Variants in ABCA8 observed in about 807,000 individuals in gnomAD.
The protein encoded by ABCA8 is ABC-type organic anion transporter ABCA8.
ABCA8 carries 177 observed loss-of-function variants against 192.3 expected under a neutral mutation model. The observed-to-expected ratio is 0.92, with a 90% CI of 0.81 to 1.04. The LOEUF (loss-of-function observed/expected upper bound fraction) is 1.04, where lower values mean the gene tolerates loss of function less well. Ranked by LOEUF, ABCA8 falls within the 50% of genes least tolerant of loss-of-function variation. ABCA8 has a pLI of 0.00. For missense variants in ABCA8, 1,915 were observed against 1,904.8 expected, an observed-to-expected ratio of 1.01 and a Z score of -0.10; for synonymous variants, 642 against 690.2, an observed-to-expected ratio of 0.93 and a Z score of 1.09.
intron 5 of ABCA8, among the ~76,000 whole-genome samples, chr17:68,935,552 A>ATATATATG (rs1012551743): frequency 7.1e-6 from 1 of 140,702 alleles, no homozygotes; most frequent in African/African-American, 2.6e-5. Context: ...ATATATATAT[A>ATATATATG]TATATATATA....
intron 31 of ABCA8, among the ~76,000 whole-genome samples, 173 bp downstream of exon 31, chr17:68,881,690 T>C (rs1305527302): frequency 6.6e-6 from 1 of 152,236 alleles, no homozygotes. Context: ...GGCTCCTCTT[T>C]GTGAGGTGAG....
rs2068245265 is a variant in ABCA8 at position 68,942,039 on chromosome 17, T to C, written c.-5A>G. The C allele has an allele frequency of 6.3e-7, 1 of 1,596,256 alleles. No homozygotes were observed. Among genetic ancestry groups the C allele is most frequent in the Non-Finnish European group, 8.6e-7 (1 of 1,169,168 alleles). ...ACTGATCTTTCTCTTCCTCATCTTG[T>C]CTTGTTTAATGAAAAAGAAAGAAGA... On this transcript the variant is annotated splice_region_variant and 5_prime_UTR_variant, in exon 3 of 40. The change abolishes the stop of an existing upstream ORF in the 5' untranslated region. Coordinates refer to ENST00000586539, the MANE Select transcript of ABCA8 (RefSeq NM_001288985.2).
chr17:68,874,231 T>A (rs545282970), intron 37 of ABCA8, among the ~76,000 whole-genome samples: 1 of 152,320 alleles, frequency 6.6e-6, no homozygotes, highest in African/African-American at 2.4e-5. Context: ...TTATACTGCA[T>A]AGTTTCTTAA....
intron 21 of ABCA8, among the ~76,000 whole-genome samples, chr17:68,898,452 G>T (rs1181653658): frequency 6.6e-6 from 1 of 152,104 alleles, no homozygotes; most frequent in Non-Finnish European, 1.5e-5. Flanking sequence ...TAGCAGACTT[G>T]CCTTATAAGA....
chr17:68,939,678 G>A (rs1338878310), intron 4 of ABCA8, among the ~76,000 whole-genome samples: 1 of 152,090 alleles, frequency 6.6e-6, no homozygotes, highest in Non-Finnish European at 1.5e-5. Context: ...ATTTACTTCT[G>A]TTGGTGATAA....
In ABCA8 at chr17:68,918,408, C is replaced by A; in HGVS notation, c.1908+19G>T. ...ATTTTTTAAACTTTGAATTCACCTG[C>A]AAATTCAATGTGACTCACCTGAGGA... On this transcript the variant is annotated intron_variant, in intron 15 of 39. Transcript: ENST00000586539. 6.4e-7 allele frequency: 1 copy of A among 1,561,212 alleles called. No homozygotes were observed. The highest frequency in any genetic ancestry group is 8.6e-7 in the Non-Finnish European group (1 of 1,158,666).
Position 68,924,855 on chromosome 17 carries a change from G to T in ABCA8, c.1288C>A (p.Arg430=). 1 of 1,613,802 alleles carries T rather than the reference G, an allele frequency of 6.2e-7. No homozygotes were observed. The highest frequency in any genetic ancestry group is 8.5e-7 in the Non-Finnish European group (1 of 1,179,880). ...EKILPNEYGH[R]RPPLFFLKSS... is the part of the protein sequence containing the mutation. ...TTCAGGAAAAACAAAGGTGGACGTCGATGTCCATATTCATCTACATGGCCA... is the reference window on the plus strand; with the variant it reads ...TTCAGGAAAAACAAAGGTGGACGTCTATGTCCATATTCATCTACATGGCCA... The change falls in exon 11 of 40, where the codon CGA becomes AGA. Residue 430 remains arginine, a synonymous_variant. Coordinates refer to ENST00000586539, the MANE Select transcript of ABCA8 (RefSeq NM_001288985.2).
chr17:68,929,129 G>C lies in ABCA8; in HGVS notation c.1045C>G (p.Leu349Val), dbSNP rs770976845. 1 of 1,612,022 alleles carries C rather than the reference G, an allele frequency of 6.2e-7. No homozygotes were observed. The highest frequency in any genetic ancestry group is 8.5e-7 in the Non-Finnish European group (1 of 1,178,758). Reference protein sequence around the residue: ...VFWGCLGFTSLYRHLPASLEW... With the variant: ...VFWGCLGFTSVYRHLPASLEW... ...AAGGATGCAGGAAGGTGTCTGTACAGTGATGTGAACCCCAGACACCCCCAA... is the reference window on the plus strand; with the variant it reads ...AAGGATGCAGGAAGGTGTCTGTACACTGATGTGAACCCCAGACACCCCCAA... The change falls in exon 9 of 40, where the codon CTG becomes GTG. Residue 349 changes from leucine to valine, a missense_variant. Leu to Val is a conservative substitution (Grantham distance 32, BLOSUM62 1). Transcript: ENST00000586539.
rs1426214527 is a variant in ABCA8 at position 68,906,050 on chromosome 17, C to T, written c.2392G>A (p.Glu798Lys). ...TTTCATGCATTTTATTTACCCGATT[C>T]ATTAATTGTAGATTTTCCTTCTAGC... ...LKLEGKSTIN[E>K]SDIAILGEVQ... Residue 798 changes from glutamate (E) to lysine (K), a missense_variant, in exon 19 of 40, where the codon GAA becomes AAA. Coordinates refer to ENST00000586539, the MANE Select transcript of ABCA8 (RefSeq NM_001288985.2). 6.3e-7 allele frequency: 1 copy of T among 1,585,348 alleles called. No individual in the cohort carries two copies. Among genetic ancestry groups the T allele is most frequent in the East Asian group, 2.3e-5 (1 of 44,042 alleles).
At chr17:68,938,054 C>T (rs537021756) in intron 4 of ABCA8, among the ~76,000 whole-genome samples, 3 of 152,048 alleles carry the variant, frequency 2.0e-5, no homozygotes, top group African/African-American at 7.2e-5. Flanking sequence ...TTGTTATGGA[C>T]GTCTGTGAAA....
chr17:68,901,545 C>T (rs2066911790), intron 21 of ABCA8, among the ~76,000 whole-genome samples: 1 of 152,134 alleles, frequency 6.6e-6, no homozygotes, highest in South Asian at 2.1e-4. Context: ...CGGTGGCTCA[C>T]GCCTGTAATC....
At chr17:68,912,777 G>C (rs986843211) in intron 17 of ABCA8, among the ~76,000 whole-genome samples, 2 of 152,154 alleles carry the variant, frequency 1.3e-5, no homozygotes, top group African/African-American at 2.4e-5. Context: ...GACAGAGAGA[G>C]AGAGAGAGAC....
intron 21 of ABCA8, among the ~76,000 whole-genome samples, chr17:68,902,140 T>C (rs2066932135): frequency 2.0e-5 from 3 of 152,216 alleles, no homozygotes; most frequent in Admixed American, 2.0e-4. Context: ...AGATAAATGC[T>C]ACAACATAGA....
In ABCA8 at chr17:68,919,442, T is replaced by G; in HGVS notation, c.1647A>C (p.Glu549Asp). ...SVTIYNNKLS[E>D]MADLENLSKL... ...TGCTGAGATTTTCTAGGTCAGCCATTTCTGAAAGCTTATTGTTATAGATGG... is the reference window on the plus strand; with the variant it reads ...TGCTGAGATTTTCTAGGTCAGCCATGTCTGAAAGCTTATTGTTATAGATGG... The change falls in exon 14 of 40, where the codon GAA becomes GAC. Residue 549 changes from glutamate to aspartate, a missense_variant. By Grantham distance (45) the Glu-to-Asp change is conservative. Transcript: ENST00000586539. 3 of 1,614,064 alleles carry G rather than the reference T, an allele frequency of 1.9e-6. No individual in the cohort carries two copies. The highest frequency in any genetic ancestry group is 2.5e-6 in the Non-Finnish European group (3 of 1,179,978).
At position 68,877,602 on chromosome 17, in the gene ABCA8, G is replaced by A. The variant is rs8068987; in HGVS notation, c.4116C>T (p.Pro1372=). The change falls in exon 33 of 40, where the codon CCC becomes CCT. Residue 1372 remains proline (P), a synonymous_variant. Coordinates refer to ENST00000586539, the MANE Select transcript of ABCA8 (RefSeq NM_001288985.2). ...GYCPQENALW[P]NLTVRQHLEV... ...CCAGGTGCTGCCTCACTGTCAGGTT[G>A]GGCCACAGCGCGTTCTCCTGAGGGC... The A allele has an allele frequency of 0.12, 186,765 of 1,613,508 alleles. 11,615 individuals carry two copies. The highest frequency in any genetic ancestry group is 0.21 in the African/African-American group (16,014 of 74,884).
rs2066693742 is a variant in ABCA8 at position 68,894,318 on chromosome 17, A to G, written c.2899-8T>C. ...TAACGAAAAGCTGTAATTCTAAAATATAACAAGTAGGATATAAGTTCTCAA... is the reference window on the plus strand; with the variant it reads ...TAACGAAAAGCTGTAATTCTAAAATGTAACAAGTAGGATATAAGTTCTCAA... On this transcript the variant is annotated splice_region_variant and splice_polypyrimidine_tract_variant and intron_variant, in intron 22 of 39. Transcript: ENST00000586539. 4 of 1,601,460 alleles carry G rather than the reference A, an allele frequency of 2.5e-6. No homozygotes were observed. The highest frequency in any genetic ancestry group is 3.4e-6 in the Non-Finnish European group (4 of 1,175,818).
At chr17:68,918,911 C>T (rs565626791) in intron 14 of ABCA8, among the ~76,000 whole-genome samples, 35 of 95,844 alleles carry the variant, frequency 3.7e-4, no homozygotes, top group African/African-American at 1.4e-3. Context: ...GCCTGGGCGA[C>T]AAGAGCAAAA....
intron 4 of ABCA8, among the ~76,000 whole-genome samples, chr17:68,940,073 G>A (rs2068181954): frequency 1.3e-5 from 2 of 151,968 alleles, no homozygotes; most frequent in Admixed American, 1.3e-4. Context: ...CTTTGTACCA[G>A]GCTGCATCTC....
In ABCA8 at chr17:68,924,888, A is replaced by G. The variant is rs988897780; in HGVS notation, c.1274-19T>C. 1.2e-6 allele frequency: 2 copies of G among 1,611,364 alleles called. No homozygotes were observed. Among genetic ancestry groups the G allele is most frequent in the Non-Finnish European group, 1.7e-6 (2 of 1,179,040 alleles). ...TATTCATCTACATGGCCAGAAGACA[A>G]TTAAATATTGGGTCAATGACCACGT... On this transcript the variant is annotated intron_variant, in intron 10 of 39. Coordinates refer to ENST00000586539, the MANE Select transcript of ABCA8 (RefSeq NM_001288985.2).
Sources: gnomAD v4.1 joint callset for allele counts (sites outside exome capture counted in the v4.1 genomes callset) on GRCh38, gnomAD v4.1.1 for gene constraint, MANE v1.5 for transcripts, NCBI Gene and HGNC (gene_info 2026-07-23, HGNC 2026-07-21) for gene names.